The following NDEL1 variants were observed in gnomAD, a reference collection of about 807,000 sequenced individuals.
NDEL1 encodes the protein nuclear distribution protein nudE-like 1.
A neutral mutation model predicts 45.7 loss-of-function variants in NDEL1; 9 were observed. That is an observed-to-expected ratio of 0.20 (90% CI 0.12 to 0.34). NDEL1 has a LOEUF of 0.34. Among genes scored for constraint, NDEL1 ranks in the 10% least tolerant of loss-of-function variants. The probability of loss-of-function intolerance (pLI) is 1.00; values close to 1 mark genes in which losing one functional copy is unlikely to be tolerated. For synonymous variants in NDEL1, 133 were observed against 158.6 expected (o/e 0.84, Z 1.21); for missense variants, 306 against 406.2 (o/e 0.75, Z 2.12).
At chr17:8,423,907 T>G (rs1016691680) in intron 1 of NDEL1, among the ~76,000 whole-genome samples, 15 of 152,196 alleles carry the variant, frequency 9.9e-5, no homozygotes, top group Non-Finnish European at 1.9e-4. Flanking sequence ...TTAAAAAAAT[T>G]TTAACAGATC....
At chr17:8,456,897 C>G (rs563413753) in intron 7 of NDEL1, among the ~76,000 whole-genome samples, 8 of 152,172 alleles carry the variant, frequency 5.3e-5, no homozygotes, top group Non-Finnish European at 8.8e-5. Context: ...GCTGTGTGAG[C>G]TCTCTGTTGG....
chr17:8,418,028 C>T (rs2078252380), intron 1 of NDEL1, among the ~76,000 whole-genome samples: 1 of 152,208 alleles, frequency 6.6e-6, no homozygotes, highest in Non-Finnish European at 1.5e-5. Flanking sequence ...CCCGCACCTC[C>T]AGTTACTGAG....
intron 8 of NDEL1, among the ~76,000 whole-genome samples, chr17:8,462,329 C>T (rs1006294639): frequency 5.3e-5 from 8 of 152,096 alleles, no homozygotes; most frequent in South Asian, 4.1e-4. Context: ...ATTGTGTATG[C>T]GCACTGAAAT....
chr17:8,414,395 C>T (rs1020287453), intron 1 of NDEL1, among the ~76,000 whole-genome samples: 4 of 152,136 alleles, frequency 2.6e-5, no homozygotes, highest in Admixed American at 6.5e-5. Context: ...TGGCCGGGCG[C>T]GGTGGCTCAC....
chr17:8,455,619 G>A (rs1198396298), intron 7 of NDEL1, among the ~76,000 whole-genome samples: 2 of 151,352 alleles, frequency 1.3e-5, no homozygotes, highest in Admixed American at 6.6e-5. Context: ...CCCAGGAGGC[G>A]GAGGTTGCAG....
At chr17:8,451,533 A>T (rs1038406393) in intron 6 of NDEL1, among the ~76,000 whole-genome samples, 1 of 152,178 alleles carries the variant, frequency 6.6e-6, no homozygotes, top group African/African-American at 2.4e-5. Context: ...GGACATGCCC[A>T]TTCTGTTACA....
intron 6 of NDEL1, among the ~76,000 whole-genome samples, chr17:8,454,300 T>C (rs1479775204): frequency 2.0e-5 from 3 of 151,714 alleles, no homozygotes; most frequent in African/African-American, 4.8e-5. Flanking sequence ...GTACAAAGAC[T>C]AAACAGCTGA....
intron 1 of NDEL1, among the ~76,000 whole-genome samples, chr17:8,427,634 G>C (rs2151697163): frequency 6.6e-6 from 1 of 152,226 alleles, no homozygotes; most frequent in South Asian, 2.1e-4. Flanking sequence ...CTTGAACCTG[G>C]GAGGCAGAGG....
upstream of NDEL1, among the ~76,000 whole-genome samples, chr17:8,432,318 T>TATATAAATATATATA (rs1491329750): frequency 4.3e-4 from 24 of 55,566 alleles, no homozygotes; most frequent in Admixed American, 1.1e-3. Context: ...TATATATATA[T>TATATAAATATATATA]TTATATATAA....
chr17:8,435,078 A>AACAC (rs1032165452), upstream of NDEL1, among the ~76,000 whole-genome samples: 19 of 151,962 alleles, frequency 1.3e-4, no homozygotes, highest in Non-Finnish European at 2.8e-4. Context: ...CTCAAAAACA[A>AACAC]ACAAACAAAC....
intron 6 of NDEL1, among the ~76,000 whole-genome samples, chr17:8,452,124 G>C (rs1426314485): frequency 6.6e-6 from 1 of 152,160 alleles, no homozygotes; most frequent in Non-Finnish European, 1.5e-5. Flanking sequence ...AGGACAAAGG[G>C]CAGGCAATAG....
intron 4 of NDEL1, among the ~76,000 whole-genome samples, chr17:8,447,865 C>G (rs1910183174): frequency 6.6e-6 from 1 of 151,774 alleles, no homozygotes; most frequent in South Asian, 2.1e-4. Flanking sequence ...GGTCACTACC[C>G]TTGGGGGTGA....
intron 6 of NDEL1, among the ~76,000 whole-genome samples, chr17:8,451,763 C>T (rs1444657980): frequency 6.6e-6 from 1 of 152,062 alleles, no homozygotes; most frequent in Non-Finnish European, 1.5e-5. Flanking sequence ...TTCTGCTACT[C>T]TCATCCCCCC....
At chr17:8,419,479 A>T (rs930470184) in intron 1 of NDEL1, among the ~76,000 whole-genome samples, 7 of 152,194 alleles carry the variant, frequency 4.6e-5, no homozygotes, top group African/African-American at 1.4e-4. Flanking sequence ...TTGTTTTCAT[A>T]TGCATTGTTC....
chr17:8,459,953 T>G, intron 7 of NDEL1, 56 bp from the exon 8 acceptor site: 1 of 1,549,236 alleles, frequency 6.5e-7, no homozygotes, highest in East Asian at 2.3e-5. Context: ...GAAATGCAAA[T>G]TTTTATGTGC....
chr17:8,474,279 CAG>C (rs781652111), intron 3 of NDEL1: 39 of 152,716 alleles, frequency 2.6e-4, no homozygotes, highest in African/African-American at 8.4e-4. Context: ...TTCAAGTAAA[CAG>C]AGCAGGCGCA....
Position 8,448,632 on chromosome 17 carries a change from G to T in NDEL1, c.472G>T (p.Asp158Tyr). ...ERNAFLESEL[D>Y]EKESLLVSVQ... Reference sequence around the variant, plus strand: ...AAATGCATTTTTAGAAAGTGAACTTGATGAAAAGGAATCTTTGTTGGTCTC... The same window carrying T: ...AAATGCATTTTTAGAAAGTGAACTTTATGAAAAGGAATCTTTGTTGGTCTC... Residue 158 changes from aspartate (D) to tyrosine (Y), a missense_variant, in exon 5 of 9, where the codon GAT becomes TAT. This residue lies in a region of NDEL1 where 19 missense variants were observed against 52.7 expected (regional missense o/e 0.36). Coordinates refer to ENST00000334527, the MANE Select transcript of NDEL1 (RefSeq NM_030808.5). 6.2e-7 allele frequency: 1 copy of T among 1,614,176 alleles called. No individual in the cohort carries two copies. Among genetic ancestry groups the T allele is most frequent in the Non-Finnish European group, 8.5e-7 (1 of 1,180,006 alleles).
upstream of NDEL1, among the ~76,000 whole-genome samples, chr17:8,434,677 G>C (rs1028380935): frequency 1.3e-5 from 2 of 152,100 alleles, no homozygotes; most frequent in Non-Finnish European, 1.5e-5. Flanking sequence ...TTTTGGGCTA[G>C]TATCGTCTCC....
At chr17:8,471,115 C>T (rs2151747992), downstream of NDEL1, among the ~76,000 whole-genome samples, 1 of 152,340 alleles carries the variant, frequency 6.6e-6, no homozygotes, top group African/African-American at 2.4e-5. Flanking sequence ...CCACAATTTC[C>T]TTCTAAGCTG....
Sources: gnomAD v4.1 joint callset for allele counts (sites outside exome capture counted in the v4.1 genomes callset) on GRCh38, gnomAD v4.1.1 for gene constraint, gnomAD v4.1.1 regional missense constraint, MANE v1.5 for transcripts, NCBI Gene and HGNC (gene_info 2026-07-23, HGNC 2026-07-21) for gene names.